NAA15: variants seen among roughly 807,000 people sequenced by gnomAD.
The protein encoded by NAA15 is N-alpha-acetyltransferase 15, NatA auxiliary subunit, also known as N-terminal acetyltransferase.
Under a neutral mutation model 114.0 loss-of-function variants are expected in NAA15, and 34 were observed. The observed-to-expected ratio is 0.30, with a 90% CI of 0.23 to 0.40. NAA15 has a LOEUF of 0.40. Among genes scored for constraint, NAA15 ranks in the 10% least tolerant of loss-of-function variants. NAA15 has a pLI of 1.00. For missense variants in NAA15, 658 were observed against 1,004.5 expected, an observed-to-expected ratio of 0.66 and a Z score of 4.66; for synonymous variants, 340 against 338.0, an observed-to-expected ratio of 1.01 and a Z score of -0.06.
chr4:139,376,262 GGTAA>G (rs1560980352), intron 15 of NAA15, 99 bp from the exon 16 acceptor site: 1 of 686,754 alleles, frequency 1.5e-6, no homozygotes, highest in East Asian at 2.8e-5. Flanking sequence ...CTGGGTGACT[GGTAA>G]GTGATTTTAT....
intron 1 of NAA15, among the ~76,000 whole-genome samples, chr4:139,315,976 C>CT (rs902561801): frequency 1.3e-5 from 2 of 150,782 alleles, no homozygotes; most frequent in African/African-American, 2.4e-5. Context: ...ATTCCAGTTT[C>CT]TTTTTTTTCT....
At chr4:139,356,986 CTTT>C (rs10712283) in intron 10 of NAA15, among the ~76,000 whole-genome samples, 33 of 146,872 alleles carry the variant, frequency 2.2e-4, no homozygotes, top group Non-Finnish European at 2.7e-4. Context: ...GCAGCCAGGG[CTTT>C]TTTTTTTTTT....
Position 139,361,897 on chromosome 4 carries a change from C to T in NAA15, c.1713C>T (p.Asn571=). The T allele has an allele frequency of 1.2e-6, 2 of 1,613,558 alleles. No homozygotes were observed. Among genetic ancestry groups the T allele is most frequent in the South Asian group, 2.2e-5 (2 of 91,064 alleles). ...AGATCTATTTGAAGCTTCATGACAACCCCCTTACAGATGAGAATAAAGAAC... is the reference window on the plus strand; with the variant it reads ...AGATCTATTTGAAGCTTCATGACAATCCCCTTACAGATGAGAATAAAGAAC... ...AIEIYLKLHD[N]PLTDENKEHE... is the part of the protein sequence containing the mutation. The change falls in exon 14 of 20, where the codon AAC becomes AAT. Residue 571 remains asparagine (N), a synonymous_variant. Coordinates refer to ENST00000296543, the MANE Select transcript of NAA15 (RefSeq NM_057175.5).
chr4:139,342,164 G>A (rs369624948), intron 4 of NAA15, among the ~76,000 whole-genome samples: 3 of 152,128 alleles, frequency 2.0e-5, no homozygotes, highest in African/African-American at 7.2e-5. Flanking sequence ...TAACTCTGTA[G>A]TTGGACACTT....
In NAA15 at chr4:139,377,206, A is replaced by C. The variant is rs2110991340; in HGVS notation, c.2056+733A>C. On this transcript the variant is annotated intron_variant, in intron 16 of 19. Transcript: ENST00000296543. ...ACAGTATATCTACTAAAGGAAATTGAATAACATGGTACTTCTCTATATGAG... is the reference window on the plus strand; with the variant it reads ...ACAGTATATCTACTAAAGGAAATTGCATAACATGGTACTTCTCTATATGAG... 1.4e-5 allele frequency among the ~76,000 whole-genome samples: 2 copies of C among 143,918 alleles called. 1 individual carries two copies. Among genetic ancestry groups the C allele is most frequent in the South Asian group, 4.9e-4 (2 of 4,044 alleles). The allele number at this position is 143,918 out of a possible 152,430, so 94.4% of individuals were successfully genotyped here. A position where few individuals can be genotyped will look rare whatever the true frequency, so the allele number is the denominator to read the frequency against.
intron 6 of NAA15, among the ~76,000 whole-genome samples, chr4:139,348,665 T>C (rs543141736): frequency 6.6e-6 from 1 of 152,312 alleles, no homozygotes; most frequent in Admixed American, 6.5e-5. Flanking sequence ...GGAGCTCATA[T>C]ATAATAGTGA....
At chr4:139,308,039 G>C (rs150178102) in intron 1 of NAA15, among the ~76,000 whole-genome samples, 1 of 152,050 alleles carries the variant, frequency 6.6e-6, no homozygotes, top group African/African-American at 2.4e-5. Context: ...TCGGCTCATT[G>C]CATGCTCTGC....
chr4:139,356,388 G>A (rs1193188387), intron 10 of NAA15: 1 of 152,136 alleles, frequency 6.6e-6, no homozygotes, highest in Non-Finnish European at 1.5e-5. Context: ...GGTGCATATT[G>A]CTATTGGGTT....
At chr4:139,341,563 C>T (rs75576361) in intron 4 of NAA15, among the ~76,000 whole-genome samples, 2,468 of 117,644 alleles carry the variant, frequency 0.021, 65 homozygotes, top group African/African-American at 0.076. Flanking sequence ...CACTGCACTC[C>T]GGCCTGGGTA....
intron 14 of NAA15, among the ~76,000 whole-genome samples, chr4:139,367,988 C>T (rs369697741): frequency 2.2e-4 from 33 of 148,676 alleles, no homozygotes; most frequent in Non-Finnish European, 2.1e-4. Context: ...GTCTAGACTT[C>T]TATGAATAGT....
intron 1 of NAA15, among the ~76,000 whole-genome samples, chr4:139,324,255 C>G (rs1746716068): frequency 6.6e-6 from 1 of 152,144 alleles, no homozygotes; most frequent in African/African-American, 2.4e-5. Context: ...AATGTTAATT[C>G]CTGTTGAAAA....
At chr4:139,369,083 G>A (rs887108287) in intron 14 of NAA15, among the ~76,000 whole-genome samples, 29 of 152,080 alleles carry the variant, frequency 1.9e-4, no homozygotes, top group African/African-American at 6.5e-4. Context: ...ATGCTGCTAG[G>A]CCCTGAAAAT....
At chr4:139,348,456 A>T (rs544974638) in intron 6 of NAA15, among the ~76,000 whole-genome samples, 244 of 151,706 alleles carry the variant, frequency 1.6e-3, no homozygotes, top group Middle Eastern at 0.01. Context: ...GTATCACAAA[A>T]AAAAAAAAAA....
At chr4:139,336,018 T>C (rs1390864198) in intron 2 of NAA15, among the ~76,000 whole-genome samples, 1 of 152,140 alleles carries the variant, frequency 6.6e-6, no homozygotes, top group Non-Finnish European at 1.5e-5. Context: ...CTTGGCCTCC[T>C]GAAGTCTTGA....
chr4:139,371,170 A>G (rs1178716592), intron 15 of NAA15, among the ~76,000 whole-genome samples: 1 of 152,206 alleles, frequency 6.6e-6, no homozygotes, highest in Admixed American at 6.5e-5. Flanking sequence ...TAGTAAGGAA[A>G]GGCTCAAAAT....
At chr4:139,378,503 A>G (rs976487424) in intron 16 of NAA15, among the ~76,000 whole-genome samples, 1 of 152,230 alleles carries the variant, frequency 6.6e-6, no homozygotes, top group Non-Finnish European at 1.5e-5. Flanking sequence ...TTCTTTGCTT[A>G]TATGTCATTA....
Position 139,317,346 on chromosome 4 carries a change from G to A in NAA15, c.54+15515G>A, listed in dbSNP as rs145486164. ...TGTAGAAATTAGAGGATCGTGGGCC[G>A]GGCGCGGTGGCTGACGCCTGTAATC... On this transcript the variant is annotated intron_variant, in intron 1 of 19. Coordinates refer to ENST00000296543, the MANE Select transcript of NAA15 (RefSeq NM_057175.5). 1.4e-4 allele frequency among the ~76,000 whole-genome samples: 21 copies of A among 152,118 alleles called. No homozygotes were observed. In the East Asian group the frequency reaches 1.7e-3, roughly 13 times the overall value.
intron 1 of NAA15, among the ~76,000 whole-genome samples, chr4:139,330,300 C>T (rs1579098180): frequency 6.6e-6 from 1 of 152,308 alleles, no homozygotes; most frequent in East Asian, 1.9e-4. Flanking sequence ...AAACAAGCTA[C>T]TTTTAGGCTT....
chr4:139,344,013 A>G (rs1747495714), intron 5 of NAA15, among the ~76,000 whole-genome samples, 173 bp from the exon 6 acceptor site: 1 of 152,204 alleles, frequency 6.6e-6, no homozygotes, highest in African/African-American at 2.4e-5. Context: ...GTTATATCCT[A>G]ATATTGTCAT....
Sources: gnomAD v4.1 joint callset for allele counts (sites outside exome capture counted in the v4.1 genomes callset) on GRCh38, gnomAD v4.1.1 for gene constraint, MANE v1.5 for transcripts, NCBI Gene and HGNC (gene_info 2026-07-23, HGNC 2026-07-21) for gene names.